MTUS2: variants seen among roughly 807,000 people sequenced by gnomAD.
MTUS2 encodes the protein microtubule associated scaffold protein 2.
A neutral mutation model predicts 114.1 loss-of-function variants in MTUS2; 40 were observed. The ratio of observed to expected loss-of-function variants is 0.35; its 90% CI spans 0.27 to 0.46. The LOEUF (loss-of-function observed/expected upper bound fraction) is 0.46, where lower values mean the gene tolerates loss of function less well. Among genes scored for constraint, MTUS2 ranks in the 20% least tolerant of loss-of-function variants. The pLI, the probability that MTUS2 is intolerant of heterozygous loss-of-function variation, is 1.00. For missense variants in MTUS2, 1,679 were observed against 1,705.4 expected, an observed-to-expected ratio of 0.98 and a Z score of 0.27; for synonymous variants, 688 against 672.0, an observed-to-expected ratio of 1.02 and a Z score of -0.37.
intron 8 of MTUS2, among the ~76,000 whole-genome samples, chr13:29,438,142 T>G (rs937420667): frequency 2.6e-5 from 4 of 152,158 alleles, no homozygotes; most frequent in Admixed American, 2.6e-4. Flanking sequence ...ATACATTAAT[T>G]TAATCCTCAT....
chr13:29,182,533 A>G (rs1894050249), intron 5 of MTUS2, among the ~76,000 whole-genome samples: 1 of 152,166 alleles, frequency 6.6e-6, no homozygotes, highest in Admixed American at 6.5e-5. Context: ...CATCCCTGTT[A>G]CTCATTCAAC....
At chr13:29,016,047 G>A (rs1424872105) in intron 2 of MTUS2, among the ~76,000 whole-genome samples, 1 of 152,052 alleles carries the variant, frequency 6.6e-6, no homozygotes, top group African/African-American at 2.4e-5. Context: ...TGGGATTACA[G>A]GTTTGCGCCA....
intron 5 of MTUS2, among the ~76,000 whole-genome samples, chr13:29,148,241 G>A: frequency 6.6e-6 from 1 of 151,332 alleles, no homozygotes; most frequent in East Asian, 1.9e-4. Flanking sequence ...TTAAGTGCAG[G>A]GGTACATGTG....
rs34081195 is a variant in MTUS2 at position 29,420,283 on chromosome 13, C to CTTT, written c.3118-19690_3118-19688dup. ...TCTTTTTCTTTCTTTTCTTTCTTTC[C>CTTT]TTTTTTTTTTTTGAGACAGAGTCTC... On this transcript the variant is annotated intron_variant, in intron 8 of 15. Coordinates refer to ENST00000612955, the MANE Select transcript of MTUS2 (RefSeq NM_001033602.4). Among the ~76,000 whole-genome samples, 430 of 137,476 alleles carry CTTT rather than the reference C, an allele frequency of 3.1e-3. 3 individuals carry two copies. Among genetic ancestry groups the CTTT allele is most frequent in the African/African-American group, 8.8e-3 (329 of 37,236 alleles). 90.2% of individuals were successfully genotyped at this position (137,476 alleles called of 152,430 possible).
At chr13:28,864,541 G>T (rs1416958476) in intron 2 of MTUS2, among the ~76,000 whole-genome samples, 1 of 152,170 alleles carries the variant, frequency 6.6e-6, no homozygotes, top group Non-Finnish European at 1.5e-5. Context: ...TAAATTAATA[G>T]CTGAAGACCA....
chr13:28,883,198 G>A (rs1460039204), intron 2 of MTUS2, among the ~76,000 whole-genome samples: 4 of 152,276 alleles, frequency 2.6e-5, no homozygotes, highest in African/African-American at 9.6e-5. Context: ...ATGTATTTCT[G>A]GAGTAATGTA....
intron 4 of MTUS2, among the ~76,000 whole-genome samples, chr13:29,035,920 G>A (rs1286829648): frequency 1.3e-5 from 2 of 152,026 alleles, no homozygotes; most frequent in Admixed American, 1.3e-4. Context: ...TGAGGTGGAC[G>A]GATCGCTGGA....
intron 5 of MTUS2, among the ~76,000 whole-genome samples, chr13:29,111,492 T>G (rs373425413): frequency 7.9e-5 from 12 of 152,124 alleles, no homozygotes; most frequent in Admixed American, 2.6e-4. Context: ...GGAGGAAACA[T>G]TTTCATACAT....
intron 8 of MTUS2, among the ~76,000 whole-genome samples, chr13:29,370,441 C>T (rs1393480956): frequency 6.6e-6 from 1 of 152,136 alleles, no homozygotes; most frequent in African/African-American, 2.4e-5. Flanking sequence ...CTCTGCACTC[C>T]AGCCTGGGCA....
chr13:29,502,043 T>C (rs1384715179), intron 15 of MTUS2, among the ~76,000 whole-genome samples: 1 of 152,214 alleles, frequency 6.6e-6, no homozygotes, highest in Non-Finnish European at 1.5e-5. Flanking sequence ...CTTGCACACA[T>C]GCATGAATGG....
chr13:29,039,127 G>A (rs1887223018), intron 4 of MTUS2, among the ~76,000 whole-genome samples: 2 of 152,326 alleles, frequency 1.3e-5, no homozygotes, highest in South Asian at 4.1e-4. Flanking sequence ...CATTGACATA[G>A]AGGACTTTGT....
chr13:28,932,960 G>A (rs1207324855), intron 2 of MTUS2, among the ~76,000 whole-genome samples: 1 of 152,104 alleles, frequency 6.6e-6, no homozygotes, highest in Non-Finnish European at 1.5e-5. Context: ...AAAATAAAGG[G>A]CATAGTTTCT....
At chr13:29,250,377 C>T (rs890346619) in intron 5 of MTUS2, 8 of 151,850 alleles carry the variant, frequency 5.3e-5, no homozygotes, top group Non-Finnish European at 7.4e-5. Flanking sequence ...ACAGTGCTAT[C>T]GATTATGACC....
At position 28,924,917 on chromosome 13, in the gene MTUS2, C is replaced by T. The variant is rs1881246553; in HGVS notation, c.-243+85067C>T. On this transcript the variant is annotated intron_variant, in intron 2 of 15. Coordinates refer to ENST00000612955, the MANE Select transcript of MTUS2 (RefSeq NM_001033602.4). ...TTTTTCCTTTGGAAAAGGGTACACA[C>T]ATCGCCTTCTGCTTGGAAAGATAAA... Among the ~76,000 whole-genome samples, 3 of 151,924 alleles carry T rather than the reference C, an allele frequency of 2.0e-5. No individual in the cohort carries two copies. In the South Asian group the frequency reaches 6.3e-4, roughly 32 times the overall value.
chr13:29,302,954 G>A (rs893517464), intron 6 of MTUS2, among the ~76,000 whole-genome samples: 1 of 152,204 alleles, frequency 6.6e-6, no homozygotes, highest in East Asian at 1.9e-4. Context: ...GAAGGAGCTG[G>A]CTGCCATCTT....
chr13:29,102,286 T>G (rs1160244285), intron 5 of MTUS2, among the ~76,000 whole-genome samples: 3 of 152,238 alleles, frequency 2.0e-5, no homozygotes, highest in African/African-American at 4.8e-5. Context: ...CGTGTTTCTT[T>G]TTTAGAGAAA....
intron 8 of MTUS2, among the ~76,000 whole-genome samples, chr13:29,404,100 C>T (rs1023455935): frequency 6.6e-5 from 10 of 150,556 alleles, no homozygotes; most frequent in East Asian, 1.9e-4. Context: ...CCTAAAACAC[C>T]GATCTGACCA....
At chr13:29,199,551 T>A (rs1337271287) in intron 5 of MTUS2, among the ~76,000 whole-genome samples, 2 of 152,178 alleles carry the variant, frequency 1.3e-5, no homozygotes, top group Admixed American at 1.3e-4. Flanking sequence ...GAGTTGATCA[T>A]GGTGGATAAG....
chr13:29,135,467 T>A (rs1891940016), intron 5 of MTUS2, among the ~76,000 whole-genome samples: 1 of 152,202 alleles, frequency 6.6e-6, no homozygotes, highest in Admixed American at 6.5e-5. Context: ...TGGATCATGT[T>A]TTTGTTTTTT....
Sources: gnomAD v4.1 joint callset for allele counts (sites outside exome capture counted in the v4.1 genomes callset) on GRCh38, gnomAD v4.1.1 for gene constraint, MANE v1.5 for transcripts, NCBI Gene and HGNC (gene_info 2026-07-23, HGNC 2026-07-21) for gene names.